Variants in ZFPM2 observed in about 807,000 individuals in gnomAD.
ZFPM2 encodes the protein zinc finger protein ZFPM2.
Under a neutral mutation model 98.6 loss-of-function variants are expected in ZFPM2, and 20 were observed. The observed-to-expected ratio is 0.20, with a 90% CI of 0.14 to 0.29. The LOEUF is 0.29. ZFPM2 is among the 10% of genes least tolerant of loss of function. ZFPM2 has a pLI of 1.00. For missense variants in ZFPM2, 1,310 were observed against 1,388.6 expected (o/e 0.94, Z 0.90); for synonymous variants, 518 against 502.7 (o/e 1.03, Z -0.41).
intron 3 of ZFPM2, among the ~76,000 whole-genome samples, chr8:105,462,584 A>G (rs1300261960): frequency 6.6e-6 from 1 of 152,140 alleles, no homozygotes; most frequent in Non-Finnish European, 1.5e-5. Context: ...CTGCCTGTCA[A>G]CTTTCTATCT....
intron 5 of ZFPM2, among the ~76,000 whole-genome samples, chr8:105,653,964 G>T (rs1817235430): frequency 7.1e-6 from 1 of 141,242 alleles, no homozygotes; most frequent in African/African-American, 2.6e-5. Context: ...CTACTTAATG[G>T]GAACACTTAT....
chr8:105,407,460 G>T (rs1302875294), intron 1 of ZFPM2, among the ~76,000 whole-genome samples: 1 of 151,906 alleles, frequency 6.6e-6, no homozygotes, highest in African/African-American at 2.4e-5. Context: ...TTTAGTCATA[G>T]ATCTATTCCA....
intron 4 of ZFPM2, among the ~76,000 whole-genome samples, chr8:105,611,289 A>G (rs1169381314): frequency 6.6e-6 from 1 of 152,208 alleles, no homozygotes; most frequent in Non-Finnish European, 1.5e-5. Flanking sequence ...TGGAGAAAGA[A>G]AAACAAATTT....
At chr8:105,757,199 T>A (rs1423073727) in intron 5 of ZFPM2, among the ~76,000 whole-genome samples, 1 of 152,166 alleles carries the variant, frequency 6.6e-6, no homozygotes, top group Non-Finnish European at 1.5e-5. Flanking sequence ...CATGCAAGTC[T>A]TGTTAGAGTG....
chr8:105,770,272 A>G (rs1812951265), intron 5 of ZFPM2, among the ~76,000 whole-genome samples: 2 of 152,050 alleles, frequency 1.3e-5, no homozygotes, highest in Admixed American at 6.6e-5. Context: ...TGTGGAGTTG[A>G]CTATGTAACA....
intron 5 of ZFPM2, among the ~76,000 whole-genome samples, chr8:105,669,529 AGTGT>A (rs1450753148): frequency 7.4e-6 from 1 of 134,832 alleles, no homozygotes; most frequent in African/African-American, 2.9e-5. Flanking sequence ...TTAAGCTGAA[AGTGT>A]GCATGTGTGT....
At chr8:105,389,102 A>T (rs1401951102) in intron 1 of ZFPM2, among the ~76,000 whole-genome samples, 1 of 149,720 alleles carries the variant, frequency 6.7e-6, no homozygotes, top group Non-Finnish European at 1.5e-5. Flanking sequence ...ACCCTTCTGG[A>T]TGGCCCACTT....
At chr8:105,587,902 G>T (rs1186666473) in intron 4 of ZFPM2, among the ~76,000 whole-genome samples, 3 of 151,972 alleles carry the variant, frequency 2.0e-5, no homozygotes, top group Non-Finnish European at 4.4e-5. Context: ...GACATTTCCA[G>T]GTGTCCCTTG....
intron 5 of ZFPM2, among the ~76,000 whole-genome samples, chr8:105,710,577 A>G (rs2130974965): frequency 6.6e-6 from 1 of 152,210 alleles, no homozygotes; most frequent in South Asian, 2.1e-4. Context: ...CTTGGTAATC[A>G]ATTTTACCCT....
At chr8:105,675,575 A>T (rs1226324043) in intron 5 of ZFPM2, among the ~76,000 whole-genome samples, 1 of 152,128 alleles carries the variant, frequency 6.6e-6, no homozygotes, top group Non-Finnish European at 1.5e-5. Flanking sequence ...CAGAACGTGG[A>T]GTTGAGCAGT....
chr8:105,751,235 G>T (rs746065310), intron 5 of ZFPM2, among the ~76,000 whole-genome samples: 1 of 151,978 alleles, frequency 6.6e-6, no homozygotes, highest in African/African-American at 2.4e-5. Context: ...ATTCAAAATG[G>T]ATTACAAGAG....
At chr8:105,670,263 A>G (rs3824154) in intron 5 of ZFPM2, among the ~76,000 whole-genome samples, 36,543 of 151,834 alleles carry the variant, frequency 0.24, 4,959 homozygotes, top group African/African-American at 0.38. Flanking sequence ...TTGGGAGGCC[A>G]AGGCGGGCGG....
chr8:105,654,110 T>C (rs1324011795), intron 5 of ZFPM2, among the ~76,000 whole-genome samples: 1 of 151,710 alleles, frequency 6.6e-6, no homozygotes, highest in Non-Finnish European at 1.5e-5. Context: ...CAAAACAAAA[T>C]GCTAAATAAG....
chr8:105,483,858 C>T (rs531728028), intron 3 of ZFPM2, among the ~76,000 whole-genome samples: 257 of 151,426 alleles, frequency 1.7e-3, no homozygotes, highest in Non-Finnish European at 3.0e-3. Context: ...CTCAGCCTCC[C>T]GAGTAGCTGG....
At chr8:105,566,267 G>A (rs1002566367) in intron 4 of ZFPM2, among the ~76,000 whole-genome samples, 1 of 152,064 alleles carries the variant, frequency 6.6e-6, no homozygotes, top group African/African-American at 2.4e-5. Context: ...TTATACCCCT[G>A]AAAAAATTGA....
chr8:105,640,997 A>G (rs1429832635), intron 5 of ZFPM2, among the ~76,000 whole-genome samples: 2 of 152,078 alleles, frequency 1.3e-5, no homozygotes, highest in Admixed American at 6.6e-5. Context: ...TTATAAAATC[A>G]TAAGGCGATT....
intron 5 of ZFPM2, among the ~76,000 whole-genome samples, chr8:105,643,733 G>T (rs1272529142): frequency 6.6e-6 from 1 of 152,026 alleles, no homozygotes; most frequent in Non-Finnish European, 1.5e-5. Context: ...AGTCTTCAAG[G>T]TACTATTTCA....
chr8:105,722,349 G>A (rs1400424981), intron 5 of ZFPM2, among the ~76,000 whole-genome samples: 1 of 151,518 alleles, frequency 6.6e-6, no homozygotes, highest in Non-Finnish European at 1.5e-5. Flanking sequence ...TTTATTTTTC[G>A]ATTATTCCAA....
intron 3 of ZFPM2, among the ~76,000 whole-genome samples, chr8:105,482,995 T>TTTCCTTCC (rs372199307): frequency 0.067 from 3,426 of 51,362 alleles, 176 homozygotes; most frequent in South Asian, 0.09. Context: ...CCCCCCATCC[T>TTTCCTTCC]TTCCTTCCTT....
Sources: gnomAD v4.1 joint callset for allele counts (sites outside exome capture counted in the v4.1 genomes callset) on GRCh38, gnomAD v4.1.1 for gene constraint, MANE v1.5 for transcripts, NCBI Gene and HGNC (gene_info 2026-07-23, HGNC 2026-07-21) for gene names.